The following MICU1 variants were observed in gnomAD, a reference collection of about 807,000 sequenced individuals.
MICU1 encodes calcium uptake protein 1, mitochondrial.
In MICU1, 45 loss-of-function variants were observed where a neutral mutation model predicts 56.8. The ratio of observed to expected loss-of-function variants is 0.79; its 90% CI spans 0.62 to 1.02. MICU1 has a LOEUF of 1.02. Among genes scored for constraint, MICU1 ranks in the 50% least tolerant of loss-of-function variants. MICU1 has a pLI of 0.00. For synonymous variants in MICU1, 186 were observed against 195.1 expected (o/e 0.95, Z 0.39); for missense variants, 504 against 587.1 (o/e 0.86, Z 1.46).
chr10:72,574,809 G>A (rs1339833104), intron 1 of MICU1, among the ~76,000 whole-genome samples: 8 of 152,116 alleles, frequency 5.3e-5, no homozygotes, highest in Non-Finnish European at 1.0e-4. Flanking sequence ...CACTTAAGCT[G>A]CTTAGAAACA....
In MICU1 at chr10:72,368,309, T is replaced by C. The variant is rs1378571502; in HGVS notation, c.1317A>G (p.Gln439=). 1.2e-6 allele frequency: 2 copies of C among 1,613,866 alleles called. No individual in the cohort carries two copies. The highest frequency in any genetic ancestry group is 2.2e-5 in the East Asian group (1 of 44,902). The change falls in exon 12 of 12, where the codon CAA becomes CAG. Residue 439 remains glutamine (Q), a synonymous_variant. Transcript: ENST00000361114. ...GCTTTTCCAGGCCTCTCATCAGCCG[T>C]TGCTTCATGATGGAAACAAATTCCT... ...SNKEFVSIMK[Q]RLMRGLEKPK... is the part of the protein sequence containing the mutation.
intron 10 of MICU1, among the ~76,000 whole-genome samples, chr10:72,400,112 T>C (rs1399669622): frequency 6.6e-6 from 1 of 152,142 alleles, no homozygotes; most frequent in Non-Finnish European, 1.5e-5. Flanking sequence ...CAAAGCCACA[T>C]GTATTTTTGG....
intron 1 of MICU1, among the ~76,000 whole-genome samples, chr10:72,573,955 T>C (rs573000575): frequency 2.0e-5 from 3 of 152,276 alleles, no homozygotes; most frequent in South Asian, 4.1e-4. Context: ...TAGCAAACTA[T>C]TACAATTCCA....
chr10:72,616,693 T>C lies in MICU1; in HGVS notation c.-2+9317A>G, dbSNP rs1366882810. 2.0e-5 allele frequency among the ~76,000 whole-genome samples: 3 copies of C among 151,870 alleles called. No individual in the cohort carries two copies. In the East Asian group the frequency reaches 5.8e-4, roughly 29 times the overall value. On this transcript the variant is annotated intron_variant, in intron 1 of 11. Transcript: ENST00000361114. ...CACACTATTCCTAATTCGGCAAGTATTGTTTTATCTGATCTTTTCAAGTGA... is the reference window on the plus strand; with the variant it reads ...CACACTATTCCTAATTCGGCAAGTACTGTTTTATCTGATCTTTTCAAGTGA...
At chr10:72,458,348 G>A (rs917393939) in intron 8 of MICU1, among the ~76,000 whole-genome samples, 4 of 151,980 alleles carry the variant, frequency 2.6e-5, no homozygotes, top group African/African-American at 9.7e-5. Flanking sequence ...ACTACTTTAG[G>A]TTCTTCCTTA....
intron 6 of MICU1, among the ~76,000 whole-genome samples, chr10:72,478,722 G>C (rs945220276): frequency 2.0e-5 from 3 of 152,304 alleles, no homozygotes; most frequent in Admixed American, 2.0e-4. Context: ...GGAAACTCCT[G>C]GTTTTTAGTT....
chr10:72,572,056 T>C (rs1240352015), intron 1 of MICU1, among the ~76,000 whole-genome samples: 2 of 150,014 alleles, frequency 1.3e-5, no homozygotes, highest in Non-Finnish European at 3.0e-5. Flanking sequence ...AGAAATCCAA[T>C]GATCCAAGAT....
At chr10:72,415,684 A>G (rs2132120885) in intron 9 of MICU1, among the ~76,000 whole-genome samples, 1 of 152,270 alleles carries the variant, frequency 6.6e-6, no homozygotes, top group Admixed American at 6.5e-5. Context: ...ACGGTCTTCC[A>G]CCATCTGCTT....
intron 10 of MICU1, among the ~76,000 whole-genome samples, chr10:72,379,943 G>T (rs1862645428): frequency 1.3e-5 from 2 of 152,158 alleles, no homozygotes; most frequent in African/African-American, 2.4e-5. Context: ...AGTCGTGCAG[G>T]AAGCCAACAT....
rs1195759561 is a variant in MICU1 at position 72,608,936 on chromosome 10, T to C, written c.-2+17074A>G. On this transcript the variant is annotated intron_variant, in intron 1 of 11. Transcript: ENST00000361114. ...ATCTGACCATGAAGCAGCCCTAGAG[T>C]TGCTCTGAATCCATGCTGGTTCTGA... Among the ~76,000 whole-genome samples, 3 of 152,194 alleles carry C rather than the reference T, an allele frequency of 2.0e-5. No homozygotes were observed. In the East Asian group the frequency reaches 5.8e-4, roughly 29 times the overall value.
intron 1 of MICU1, among the ~76,000 whole-genome samples, chr10:72,608,209 C>CA (rs1259128712): frequency 1.3e-5 from 2 of 152,146 alleles, no homozygotes; most frequent in African/African-American, 4.8e-5. Flanking sequence ...GCTGCGATTA[C>CA]AGGCATGTGC....
At chr10:72,588,287 C>T (rs1841121656) in intron 1 of MICU1, among the ~76,000 whole-genome samples, 1 of 151,358 alleles carries the variant, frequency 6.6e-6, no homozygotes, top group Non-Finnish European at 1.5e-5. Flanking sequence ...AACCGTGAGT[C>T]AATTAAACCT....
intron 1 of MICU1, among the ~76,000 whole-genome samples, chr10:72,579,819 T>G (rs1840850976): frequency 6.6e-6 from 1 of 152,114 alleles, no homozygotes; most frequent in Non-Finnish European, 1.5e-5. Context: ...AAAAATATGG[T>G]ATAAAATTAC....
At chr10:72,604,753 G>A (rs748276663) in intron 1 of MICU1, among the ~76,000 whole-genome samples, 12 of 152,174 alleles carry the variant, frequency 7.9e-5, no homozygotes, top group Non-Finnish European at 1.5e-4. Flanking sequence ...GCTGTTGTTA[G>A]ATTTTGTTTT....
chr10:72,403,629 T>TTGTGTGTGTGTGTGTG (rs60373032), intron 10 of MICU1, among the ~76,000 whole-genome samples: 51 of 139,930 alleles, frequency 3.6e-4, no homozygotes, highest in Non-Finnish European at 5.9e-4. Flanking sequence ...CATACCAAAA[T>TTGTGTGTGTGTGTGTG]TGTGTGTGTG....
At chr10:72,395,278 A>G (rs370742808) in intron 10 of MICU1, among the ~76,000 whole-genome samples, 6 of 152,276 alleles carry the variant, frequency 3.9e-5, no homozygotes, top group South Asian at 2.1e-4. Context: ...GTGAATCCCC[A>G]TCTCTACTAA....
intron 8 of MICU1, among the ~76,000 whole-genome samples, chr10:72,435,249 A>G (rs1864669948): frequency 6.6e-6 from 1 of 151,824 alleles, no homozygotes; most frequent in Non-Finnish European, 1.5e-5. Context: ...TTAGCTGGGC[A>G]TGGTACCATG....
chr10:72,494,859 A>C (rs1209318649), intron 6 of MICU1, among the ~76,000 whole-genome samples: 1 of 152,072 alleles, frequency 6.6e-6, no homozygotes, highest in African/African-American at 2.4e-5. Context: ...AAAAAAAACA[A>C]AACAAAAAAC....
intron 8 of MICU1, among the ~76,000 whole-genome samples, chr10:72,471,635 T>G (rs1333685887): frequency 6.6e-6 from 1 of 152,192 alleles, no homozygotes; most frequent in Non-Finnish European, 1.5e-5. Flanking sequence ...AGTATTACCC[T>G]AGTTTGTGCT....
Sources: gnomAD v4.1 joint callset for allele counts (sites outside exome capture counted in the v4.1 genomes callset) on GRCh38, gnomAD v4.1.1 for gene constraint, MANE v1.5 for transcripts, NCBI Gene and HGNC (gene_info 2026-07-23, HGNC 2026-07-21) for gene names.